VAPA: variants seen among roughly 807,000 people sequenced by gnomAD.
The protein encoded by VAPA is VAMP associated protein A, also known as vesicle-associated membrane protein-associated protein A.
In VAPA, 6 loss-of-function variants were observed where a neutral mutation model predicts 25.6. The observed-to-expected ratio is 0.23, with a 90% confidence interval of 0.13 to 0.46. VAPA has a LOEUF of 0.46. Among genes scored for constraint, VAPA ranks in the 20% least tolerant of loss-of-function variants. The pLI, the probability that VAPA is intolerant of heterozygous loss-of-function variation, is 0.99. For missense variants in VAPA, 244 were observed against 302.1 expected, an observed-to-expected ratio of 0.81 and a Z score of 1.43; for synonymous variants, 112 against 106.2, an observed-to-expected ratio of 1.05 and a Z score of -0.34.
chr18:9,917,369 C>A (rs1239295143), intron 1 of VAPA, among the ~76,000 whole-genome samples: 1 of 152,176 alleles, frequency 6.6e-6, no homozygotes, highest in Non-Finnish European at 1.5e-5. Context: ...CGGCTCATTG[C>A]AGTCTCTGCC....
intron 3 of VAPA, 55 bp from the exon 4 acceptor site, chr18:9,936,931 T>G: frequency 6.5e-7 from 1 of 1,531,584 alleles, no homozygotes. Context: ...GAGGTGAAAC[T>G]TACTTACCAT....
intron 1 of VAPA, among the ~76,000 whole-genome samples, chr18:9,921,230 A>G (rs548619126): frequency 6.6e-6 from 1 of 152,328 alleles, no homozygotes; most frequent in African/African-American, 2.4e-5. Context: ...TTTGCAGGTA[A>G]TAGTGCTTTC....
chr18:9,952,383 G>T (rs187395090), intron 5 of VAPA, among the ~76,000 whole-genome samples: 426 of 151,948 alleles, frequency 2.8e-3, no homozygotes, highest in Non-Finnish European at 4.6e-3. Flanking sequence ...CCTGGCCAAC[G>T]TGGTGAAACC....
chr18:9,951,885 C>T lies in VAPA; in HGVS notation c.591+1317C>T, dbSNP rs1353916896. Among the ~76,000 whole-genome samples the T allele has an allele frequency of 4.6e-5, 7 of 152,214 alleles. No homozygotes were observed. The South Asian group carries it at 6.2e-4, about 14-fold the overall frequency. ...CTTCATGCTTGATGTTTCATAGTAC[C>T]CCCTCGAGGGGTACCCGTCTGCTTC... is the stretch of plus-strand genomic sequence containing the variant. On this transcript the variant is annotated intron_variant, in intron 5 of 5. Transcript: ENST00000400000.
At chr18:9,942,000 T>C (rs2069370725) in intron 4 of VAPA, among the ~76,000 whole-genome samples, 1 of 152,212 alleles carries the variant, frequency 6.6e-6, no homozygotes, top group Non-Finnish European at 1.5e-5. Context: ...TATTTTAGTT[T>C]ATTAGTATGT....
Position 9,954,261 on chromosome 18 carries a change from A to T in VAPA, c.*50A>T, listed in dbSNP as rs1188691741. On this transcript the variant is annotated 3_prime_UTR_variant, in exon 6 of 6. Transcript: ENST00000400000. Reference sequence around the variant, plus strand: ...CTTTTTTTTTTTTTCTCTTGACCAGAAAAAGATTTGTTTACCTACCATTTC... The same window carrying T: ...CTTTTTTTTTTTTTCTCTTGACCAGTAAAAGATTTGTTTACCTACCATTTC... The T allele has an allele frequency of 6.6e-7, 1 of 1,524,296 alleles. No individual in the cohort carries two copies. The highest frequency in any genetic ancestry group is 1.4e-5 in the African/African-American group (1 of 71,156). The allele number at this position is 1,524,296 out of a possible 1,614,324, so 94.4% of individuals were successfully genotyped here.
chr18:9,927,359 A>G (rs2069209363), intron 1 of VAPA, among the ~76,000 whole-genome samples: 1 of 152,122 alleles, frequency 6.6e-6, no homozygotes, highest in Admixed American at 6.6e-5. Flanking sequence ...CTCCTCCACA[A>G]TTGATTCTCT....
At position 9,959,842 on chromosome 18, in the gene VAPA, TAC is replaced by T. The variant is rs1346026753; in HGVS notation, c.*5633_*5634del. The T allele has an allele frequency of 6.6e-6, 1 of 152,040 alleles. No homozygotes were observed. Among genetic ancestry groups the T allele is most frequent in the Non-Finnish European group, 1.5e-5 (1 of 67,986 alleles). 9.4% of individuals were successfully genotyped at this position (152,040 alleles called of 1,614,324 possible). A position where few individuals can be genotyped will look rare whatever the true frequency, so the allele number is the denominator to read the frequency against. ...TTTCAAATAGAGGTTTGTTAGGAAT[TAC>T]AGTTGTGGGGAGCAAACTTTCTTTT... On this transcript the variant is annotated 3_prime_UTR_variant, in exon 6 of 6. Transcript: ENST00000400000.
chr18:9,931,830 A>G lies in VAPA; in HGVS notation c.100A>G (p.Thr34Ala). The G allele has an allele frequency of 6.2e-7, 1 of 1,613,500 alleles. No individual in the cohort carries two copies. Among genetic ancestry groups the G allele is most frequent in the Non-Finnish European group, 8.5e-7 (1 of 1,179,766 alleles). The change falls in exon 2 of 6, where the codon ACT (threonine) becomes GCT (alanine). Residue 34 changes from threonine to alanine, a missense_variant. This residue lies in a region of VAPA where 99 missense variants were observed against 161.6 expected (regional missense o/e 0.61). Transcript: ENST00000400000. The part of the protein sequence containing the change: ...KFKGPFTDVV[T>A]TNLKLRNPSD... ...TACAGGCCCCTTCACAGATGTAGTC[A>G]CTACAAATCTTAAATTGCGAAATCC...
chr18:9,917,783 C>T (rs1275344100), intron 1 of VAPA, among the ~76,000 whole-genome samples: 2 of 151,908 alleles, frequency 1.3e-5, no homozygotes, highest in African/African-American at 4.8e-5. Flanking sequence ...TCAGCTAGTG[C>T]ATCTGCATAG....
At chr18:9,914,827 C>A (rs1328913692) in intron 1 of VAPA, 2 of 152,558 alleles carry the variant, frequency 1.3e-5, no homozygotes, top group Non-Finnish European at 2.9e-5. Context: ...CGGCTGTCAG[C>A]GGCGCGGGGA....
intron 4 of VAPA, among the ~76,000 whole-genome samples, chr18:9,944,335 A>G (rs2069399224): frequency 6.6e-6 from 1 of 152,122 alleles, no homozygotes; most frequent in Non-Finnish European, 1.5e-5. Context: ...TAATTAGGGA[A>G]TCCCTTTCCC....
At chr18:9,921,564 A>T (rs1241084201) in intron 1 of VAPA, among the ~76,000 whole-genome samples, 2 of 152,212 alleles carry the variant, frequency 1.3e-5, no homozygotes, top group Non-Finnish European at 2.9e-5. Flanking sequence ...ATAGATAGTA[A>T]AATGGTTACT....
chr18:9,936,286 A>G lies in VAPA; in HGVS notation c.336+73A>G. On this transcript the variant is annotated intron_variant, in intron 3 of 5. Coordinates refer to ENST00000400000, the MANE Select transcript of VAPA (RefSeq NM_194434.3). ...GGGTGTTGTTTAGCAGTCAGTAGAAAAACTTAATTTCTAAAAACTAAAAGT... is the reference window on the plus strand; with the variant it reads ...GGGTGTTGTTTAGCAGTCAGTAGAAGAACTTAATTTCTAAAAACTAAAAGT... 6.2e-6 allele frequency: 6 copies of G among 963,702 alleles called. No homozygotes were observed. The Admixed American group carries it at 1.4e-4, about 23-fold the overall frequency. The allele number at this position is 963,702 out of a possible 1,614,324, so 59.7% of individuals were successfully genotyped here.
At chr18:9,914,686 G>A (rs1391561376) in intron 1 of VAPA, 1 of 151,466 alleles carries the variant, frequency 6.6e-6, no homozygotes, top group East Asian at 1.9e-4. Flanking sequence ...CTGGGCCCGC[G>A]TCCTTGGCCC....
chr18:9,947,451 G>A (rs2069437756), intron 4 of VAPA: 1 of 152,124 alleles, frequency 6.6e-6, no homozygotes, highest in African/African-American at 2.4e-5. Context: ...AATCATTGTT[G>A]ACCAAAACAT....
In VAPA at chr18:9,956,965, C is replaced by T. The variant is rs1010908749; in HGVS notation, c.*2754C>T. ...ATGTTCTGAGTGTGTGGTATGTTCC[C>T]TTAAAAAAAAATGACACTTGGAAGA... On this transcript the variant is annotated 3_prime_UTR_variant, in exon 6 of 6. Transcript: ENST00000400000. The T allele has an allele frequency of 4.6e-5, 7 of 151,536 alleles. No homozygotes were observed. The highest frequency in any genetic ancestry group is 1.7e-4 in the African/African-American group (7 of 41,232). The allele number at this position is 151,536 out of a possible 1,614,324, so 9.4% of individuals were successfully genotyped here.
intron 4 of VAPA, 163 bp from the exon 5 acceptor site, chr18:9,950,232 G>C (rs2069474468): frequency 1.6e-6 from 1 of 631,284 alleles, no homozygotes; most frequent in Non-Finnish European, 2.7e-6. Flanking sequence ...GGAATAGAGG[G>C]AGTGGGCTGG....
At chr18:9,939,918 C>G (rs1412389593) in intron 4 of VAPA, among the ~76,000 whole-genome samples, 1 of 152,176 alleles carries the variant, frequency 6.6e-6, no homozygotes, top group African/African-American at 2.4e-5. Context: ...TCTGTTAGTA[C>G]ATTTAAGATT....
Sources: gnomAD v4.1 joint callset for allele counts (sites outside exome capture counted in the v4.1 genomes callset) on GRCh38, gnomAD v4.1.1 for gene constraint, gnomAD v4.1.1 regional missense constraint, MANE v1.5 for transcripts, NCBI Gene and HGNC (gene_info 2026-07-23, HGNC 2026-07-21) for gene names.